GPNMB: variants seen among roughly 807,000 people sequenced by gnomAD.
GPNMB encodes glycoprotein nmb.
In GPNMB, 71 loss-of-function variants were observed where a neutral mutation model predicts 57.3. The ratio of observed to expected loss-of-function variants is 1.24; its 90% CI spans 1.02 to 1.51. The LOEUF is 1.51. Ranked by LOEUF, GPNMB falls within the 40% of genes most tolerant of loss-of-function variation. GPNMB has a pLI of 0.00. For synonymous variants in GPNMB, 253 were observed against 263.2 expected (o/e 0.96, Z 0.38); for missense variants, 677 against 691.9 (o/e 0.98, Z 0.24).
In GPNMB at chr7:23,260,248, C is replaced by A. The variant is rs79798727; in HGVS notation, c.700+110C>A. On this transcript the variant is annotated intron_variant, in intron 5 of 10. Coordinates refer to ENST00000258733, the MANE Select transcript of GPNMB (RefSeq NM_002510.3). ...CGGGGTTAGGTTACAATGCATCTGG[C>A]CCACCTAAGCTTGTGTATTTAATTA... 6.6e-3 allele frequency: 7,617 copies of A among 1,159,830 alleles called. 147 individuals are homozygous for A. Among genetic ancestry groups the A allele is most frequent in the African/African-American group, 0.062 (4,090 of 65,820 alleles). 71.8% of individuals were successfully genotyped at this position (1,159,830 alleles called of 1,614,324 possible).
intron 4 of GPNMB, chr7:23,257,748 G>C (rs1490920849): frequency 6.6e-6 from 1 of 152,080 alleles, no homozygotes; most frequent in Non-Finnish European, 1.5e-5. Flanking sequence ...GTTTTTTTAT[G>C]TTCTCTAAAG....
rs765081388 is a variant in GPNMB at position 23,254,163 on chromosome 7, C to A, written c.224-6C>A. 1 of 1,608,584 alleles carries A rather than the reference C, an allele frequency of 6.2e-7. No homozygotes were observed. The highest frequency in any genetic ancestry group is 1.1e-5 in the South Asian group (1 of 90,216). On this transcript the variant is annotated splice_region_variant and splice_polypyrimidine_tract_variant and intron_variant, in intron 2 of 10. Transcript: ENST00000258733. ...GATCATCGAGCCCCACTTTTTTATA[C>A]CCTAGGAGGCCGTGTGCAGGCGGTC...
intron 3 of GPNMB, among the ~76,000 whole-genome samples, chr7:23,256,408 A>T (rs1192378951): frequency 6.6e-6 from 1 of 152,220 alleles, no homozygotes; most frequent in Non-Finnish European, 1.5e-5. Flanking sequence ...AGCATCAAAA[A>T]TAGCCAAATA....
chr7:23,262,290 T>TA (rs1032918722), intron 6 of GPNMB, among the ~76,000 whole-genome samples: 15 of 152,114 alleles, frequency 9.9e-5, no homozygotes, highest in African/African-American at 3.4e-4. Flanking sequence ...ATGTCTAGAG[T>TA]AAAAAGCAAA....
chr7:23,250,346 T>A (rs988147244), intron 1 of GPNMB, among the ~76,000 whole-genome samples: 3 of 152,218 alleles, frequency 2.0e-5, no homozygotes, highest in African/African-American at 7.2e-5. Context: ...TAGTCCTAGA[T>A]CCTGAAGATT....
At chr7:23,252,816 A>T (rs956360928) in intron 1 of GPNMB, among the ~76,000 whole-genome samples, 2 of 152,240 alleles carry the variant, frequency 1.3e-5, no homozygotes, top group Non-Finnish European at 2.9e-5. Flanking sequence ...TACACAAAGT[A>T]TATGGAACAT....
rs779323770 is a variant in GPNMB at position 23,260,479 on chromosome 7, A to C, written c.724A>C (p.Met242Leu). The change falls in exon 6 of 11, where the codon ATG becomes CTG. Residue 242 changes from methionine (M) to leucine (L), a missense_variant. Transcript: ENST00000258733. ...AGATCAGATTCCTGTGTTTGTGACTATGTTCCAGAAGAACGATCGAAATTC... is the reference window on the plus strand; with the variant it reads ...AGATCAGATTCCTGTGTTTGTGACTCTGTTCCAGAAGAACGATCGAAATTC... ...VTDQIPVFVT[M>L]FQKNDRNSSD... 2.5e-6 allele frequency: 4 copies of C among 1,613,050 alleles called. No individual in the cohort carries two copies. Among genetic ancestry groups the C allele is most frequent in the Non-Finnish European group, 2.5e-6 (3 of 1,179,198 alleles).
chr7:23,262,608 CTTTTTTTTT>C (rs58011121), intron 6 of GPNMB, among the ~76,000 whole-genome samples: 12 of 62,800 alleles, frequency 1.9e-4, no homozygotes, highest in South Asian at 1.0e-3. Flanking sequence ...TCACCATTCT[CTTTTTTTTT>C]TTTTTTTTTT....
rs376378252 is a variant in GPNMB, at chr7:23,274,187, C to G, written c.1646C>G (p.Pro549Arg). The G allele has an allele frequency of 2.5e-6, 4 of 1,613,744 alleles. No individual in the cohort carries two copies. The highest frequency in any genetic ancestry group is 1.6e-4 in the Middle Eastern group (1 of 6,062). Residue 549 changes from proline to arginine, a missense_variant, in exon 11 of 11, where the codon CCG becomes CGG. Physicochemically the swap from Pro to Arg is moderately radical, Grantham distance 103. Coordinates refer to ENST00000258733, the MANE Select transcript of GPNMB (RefSeq NM_002510.3). ...VFFPGNQEKD[P>R]LLKNQEFKGV... is the part of the protein sequence containing the mutation. Reference sequence around the variant, plus strand: ...TTCCCGGGAAACCAGGAAAAGGATCCGCTACTCAAAAACCAAGAATTTAAA... The same window carrying G: ...TTCCCGGGAAACCAGGAAAAGGATCGGCTACTCAAAAACCAAGAATTTAAA...
Position 23,268,897 on chromosome 7 carries a change from C to G in GPNMB, c.1220+909C>G, listed in dbSNP as rs147450680. On this transcript the variant is annotated intron_variant, in intron 8 of 10. Transcript: ENST00000258733. ...TGAGTCCAGCATCAGAGCCTGGTCT[C>G]TCCATCTAAGAAGGCTGCCATGAGA... Among the ~76,000 whole-genome samples, 243 of 152,286 alleles carry G rather than the reference C, an allele frequency of 1.6e-3. 1 individual carries two copies. Among genetic ancestry groups the G allele is most frequent in the African/African-American group, 5.6e-3 (232 of 41,560 alleles).
At chr7:23,254,528 C>G (rs536893123) in intron 3 of GPNMB, among the ~76,000 whole-genome samples, 1 of 152,324 alleles carries the variant, frequency 6.6e-6, no homozygotes, top group African/African-American at 2.4e-5. Context: ...CTCTCCCTTG[C>G]TTGGAGCCCT....
intron 6 of GPNMB, among the ~76,000 whole-genome samples, chr7:23,265,613 A>T (rs554294275): frequency 6.6e-6 from 1 of 152,262 alleles, no homozygotes; most frequent in African/African-American, 2.4e-5. Context: ...ACATCCAAAC[A>T]GGGAAAGAAT....
rs2128486131 is a variant in GPNMB, at chr7:23,273,679, T to G, written c.1523+65T>G. 2.1e-5 allele frequency: 22 copies of G among 1,024,306 alleles called. No homozygotes were observed. The South Asian group carries it at 2.5e-4, about 12-fold the overall frequency. 63.5% of individuals were successfully genotyped at this position (1,024,306 alleles called of 1,614,324 possible). On this transcript the variant is annotated intron_variant, in intron 10 of 10. Coordinates refer to ENST00000258733, the MANE Select transcript of GPNMB (RefSeq NM_002510.3). The stretch of plus-strand genomic sequence containing the variant: ...ATTGTCAAAAGTGAATATATCTCTG[T>G]GTAAATAGGCATTTTTCCCTTTTTT...
intron 6 of GPNMB, among the ~76,000 whole-genome samples, chr7:23,262,074 CG>C (rs1782939264): frequency 6.6e-6 from 1 of 151,904 alleles, no homozygotes; most frequent in Non-Finnish European, 1.5e-5. Context: ...TCCATCATGA[CG>C]TCTGGGGCTT....
intron 3 of GPNMB, among the ~76,000 whole-genome samples, chr7:23,254,611 G>A (rs1782734594): frequency 6.6e-6 from 1 of 152,174 alleles, no homozygotes; most frequent in African/African-American, 2.4e-5. Context: ...ACCTTGCTGA[G>A]TCTCAGATTT....
chr7:23,272,846 CT>C lies in GPNMB; in HGVS notation c.1430-660del, dbSNP rs34346503. ...CATGGAAAACTTTAAAGGTGGTGAT[CT>C]TTTTTTTTTTTTTTGAGGCAAGGTC... On this transcript the variant is annotated intron_variant, in intron 9 of 10. Coordinates refer to ENST00000258733, the MANE Select transcript of GPNMB (RefSeq NM_002510.3). 6.2e-3 allele frequency among the ~76,000 whole-genome samples: 857 copies of C among 139,256 alleles called. 2 individuals are homozygous for C. The highest frequency in any genetic ancestry group is 6.0e-3 in the East Asian group (29 of 4,860). The allele number at this position is 139,256 out of a possible 152,430, so 91.4% of individuals were successfully genotyped here.
At chr7:23,249,133 G>C (rs1187809611) in intron 1 of GPNMB, among the ~76,000 whole-genome samples, 1 of 152,076 alleles carries the variant, frequency 6.6e-6, no homozygotes, top group Non-Finnish European at 1.5e-5. Context: ...TGTTGCCCAG[G>C]CTGGTCTGGA....
chr7:23,248,644 A>C (rs1370485721), intron 1 of GPNMB, among the ~76,000 whole-genome samples: 1 of 152,176 alleles, frequency 6.6e-6, no homozygotes, highest in Non-Finnish European at 1.5e-5. Context: ...TGGACACAGC[A>C]AGGATGCCAA....
intron 1 of GPNMB, among the ~76,000 whole-genome samples, chr7:23,251,756 A>G (rs947335783): frequency 1.3e-5 from 2 of 152,214 alleles, no homozygotes; most frequent in Non-Finnish European, 1.5e-5. Flanking sequence ...CTTTCTCAGA[A>G]GTTCCCAGAA....
Sources: gnomAD v4.1 joint callset for allele counts (sites outside exome capture counted in the v4.1 genomes callset) on GRCh38, gnomAD v4.1.1 for gene constraint, MANE v1.5 for transcripts, NCBI Gene and HGNC (gene_info 2026-07-23, HGNC 2026-07-21) for gene names.